Variants in SERF2 observed in about 807,000 individuals in gnomAD.
SERF2 encodes the protein small EDRK-rich factor 2, also known as gastric cancer-related protein VRG107.
In SERF2, 4 loss-of-function variants were observed where a neutral mutation model predicts 10.7. The observed-to-expected ratio is 0.37, with a 90% CI of 0.18 to 0.86. The LOEUF (loss-of-function observed/expected upper bound fraction) is 0.86. Among genes scored for constraint, SERF2 ranks in the 40% least tolerant of loss-of-function variants. SERF2 has a pLI of 0.43. For synonymous variants in SERF2, 26 were observed against 26.0 expected, an observed-to-expected ratio of 1.00 and a Z score of 0.01; for missense variants, 47 against 79.1, an observed-to-expected ratio of 0.59 and a Z score of 1.54.
chr15:43,779,657 A>AT (rs1195031209), intron 1 of SERF2, among the ~76,000 whole-genome samples: 2 of 151,616 alleles, frequency 1.3e-5, no homozygotes, highest in Non-Finnish European at 2.9e-5. Flanking sequence ...ATACCTAGCA[A>AT]TTTTTTAAAT....
rs1306909811 is a variant in SERF2, at chr15:43,781,884, A to T, written c.-526-3526A>T. 4.5e-5 allele frequency among the ~76,000 whole-genome samples: 4 copies of T among 89,554 alleles called. No individual in the cohort carries two copies. The Admixed American group carries it at 6.1e-4, about 14-fold the overall frequency. 58.8% of individuals were successfully genotyped at this position (89,554 alleles called of 152,430 possible). A position where few individuals can be genotyped will look rare whatever the true frequency, so the allele number is the denominator to read the frequency against. ...GGTGTGAGCCACCGCACCTGGTCCT[A>T]CTTCTTCTTCTTTTTTTTTTTTTGA... On this transcript the variant is annotated intron_variant, in intron 1 of 4. Transcript: ENST00000381359.
At chr15:43,778,805 G>A (rs1227244029) in intron 1 of SERF2, among the ~76,000 whole-genome samples, 2 of 151,932 alleles carry the variant, frequency 1.3e-5, no homozygotes, top group African/African-American at 4.8e-5. Context: ...GGGAGGCTGA[G>A]GCAGGAGAAT....
chr15:43,785,406 T>G (rs77790037), intron 1 of SERF2: 10 of 151,950 alleles, frequency 6.6e-5, no homozygotes, highest in African/African-American at 2.2e-4. Flanking sequence ...TTCCTTTTTT[T>G]TAGAGACATA....
At chr15:43,777,383 C>T (rs2086928842) in exon 1 of SERF2, 10 of 307,892 alleles carry the variant, frequency 3.2e-5, no homozygotes, top group South Asian at 2.6e-4. Context: ...CCCAGTTAGC[C>T]CCGAGCTTCG....
At chr15:43,784,266 T>C (rs1260503721) in intron 1 of SERF2, among the ~76,000 whole-genome samples, 1 of 152,132 alleles carries the variant, frequency 6.6e-6, no homozygotes, top group Non-Finnish European at 1.5e-5. Flanking sequence ...TGTCTTCTCG[T>C]TTCCAGTGTT....
chr15:43,787,059 C>T (rs1053900858), intron 2 of SERF2, among the ~76,000 whole-genome samples: 12 of 144,976 alleles, frequency 8.3e-5, no homozygotes, highest in Non-Finnish European at 6.0e-5. Flanking sequence ...AGTGCAGTGG[C>T]GCTCCACTCG....
At position 43,795,146 on chromosome 15, in the gene SERF2, C is replaced by T. The variant is rs1361111032; in HGVS notation, c.*1373C>T. ...AGGAGTACGCAGGCCCAGCATGAGG[C>T]AACCTTGACCCAGAAGGTGGCCCAG... On this transcript the variant is annotated 3_prime_UTR_variant, in exon 3 of 3. Transcript: ENST00000249786. 1 of 1,614,008 alleles carries T rather than the reference C, an allele frequency of 6.2e-7. No homozygotes were observed. Among genetic ancestry groups the T allele is most frequent in the African/African-American group, 1.3e-5 (1 of 74,886 alleles).
chr15:43,794,543 C>T lies in SERF2; in HGVS notation c.*770C>T. On this transcript the variant is annotated 3_prime_UTR_variant, in exon 3 of 3. Coordinates refer to ENST00000249786, the MANE Select transcript of SERF2 (RefSeq NM_001018108.4). ...AATCAGGATTAAAACCTGGGGTAGC[C>T]TCTGTGCTCCTTTCTTCTATGCCCT... The T allele has an allele frequency of 6.1e-6, 1 of 163,184 alleles. No homozygotes were observed. Among genetic ancestry groups the T allele is most frequent in the Middle Eastern group, 5.6e-4 (1 of 1,798 alleles). The allele number at this position is 163,184 out of a possible 1,614,324, so 10.1% of individuals were successfully genotyped here.
At chr15:43,792,555 T>G in intron 1 of SERF2, 172 bp downstream of exon 1, 1 of 1,489,962 alleles carries the variant, frequency 6.7e-7, no homozygotes, top group Non-Finnish European at 8.9e-7. Context: ...TGCCCACGGC[T>G]ACTTCACGGG....
rs150870247 is a variant in SERF2 at position 43,778,953 on chromosome 15, T to C, written c.-527+1451T>C. On this transcript the variant is annotated intron_variant, in intron 1 of 4. Coordinates refer to the SERF2 transcript ENST00000381359. ...GGGGACAGAGAAATGGGAGTCATGG[T>C]GGAGGAAATAGGATCAAGAAAAAGT... is the stretch of plus-strand genomic sequence containing the variant. Among the ~76,000 whole-genome samples, 39 of 152,114 alleles carry C rather than the reference T, an allele frequency of 2.6e-4. No individual in the cohort carries two copies. In the East Asian group the frequency reaches 5.8e-3, roughly 23 times the overall value.
Position 43,794,795 on chromosome 15 carries a change from A to C in SERF2, c.*1022A>C, listed in dbSNP as rs572392894. The C allele has an allele frequency of 5.9e-5, 32 of 542,852 alleles. No individual in the cohort carries two copies. The highest frequency in any genetic ancestry group is 1.0e-4 in the Non-Finnish European group (32 of 304,946). The allele number at this position is 542,852 out of a possible 1,614,324, so 33.6% of individuals were successfully genotyped here. A position where few individuals can be genotyped will look rare whatever the true frequency, so the allele number is the denominator to read the frequency against. On this transcript the variant is annotated 3_prime_UTR_variant, in exon 3 of 3. Coordinates refer to ENST00000249786, the MANE Select transcript of SERF2 (RefSeq NM_001018108.4). Reference sequence around the variant, plus strand: ...GTTAGGCTCTTGAGCTGGGATGCAGATGTAACAGTAGCTCCAGTGAGTCAG... The same window carrying C: ...GTTAGGCTCTTGAGCTGGGATGCAGCTGTAACAGTAGCTCCAGTGAGTCAG...
upstream of SERF2, among the ~76,000 whole-genome samples, chr15:43,790,348 A>G (rs1441119323): frequency 6.6e-6 from 1 of 152,110 alleles, no homozygotes; most frequent in Non-Finnish European, 1.5e-5. Flanking sequence ...ACAGACATAT[A>G]AATACATATA....
intron 2 of SERF2, among the ~76,000 whole-genome samples, chr15:43,787,015 T>G (rs1348159586): frequency 1.3e-5 from 2 of 151,294 alleles, no homozygotes; most frequent in East Asian, 3.9e-4. Context: ...TTTTTTTTTT[T>G]TTGAGATGGA....
chr15:43,788,423 G>C (rs2087025539), upstream of SERF2, among the ~76,000 whole-genome samples: 2 of 152,220 alleles, frequency 1.3e-5, no homozygotes, highest in Admixed American at 1.3e-4. Context: ...ACTGTGCCCA[G>C]CCTTCAACCA....
upstream of SERF2, among the ~76,000 whole-genome samples, chr15:43,788,849 A>G (rs1035489916): frequency 1.3e-5 from 2 of 152,100 alleles, no homozygotes; most frequent in Non-Finnish European, 2.9e-5. Flanking sequence ...GTAAGGCTCA[A>G]ATAAGAAAAG....
At chr15:43,778,298 A>G (rs1012370766) in intron 1 of SERF2, among the ~76,000 whole-genome samples, 4 of 152,036 alleles carry the variant, frequency 2.6e-5, no homozygotes, top group Non-Finnish European at 4.4e-5. Context: ...TTATACTTCA[A>G]TAAAGTTGAT....
At position 43,795,856 on chromosome 15, in the gene SERF2, A is replaced by T. The variant is rs188997599; in HGVS notation, c.*2083A>T. On this transcript the variant is annotated 3_prime_UTR_variant, in exon 3 of 3. Transcript: ENST00000249786. The stretch of plus-strand genomic sequence containing the variant: ...AAAAGTGGAGGCACACCTGGGTTCA[A>T]ATTCTAGCTCCAGCATATAAGTGGC... 9.2e-6 allele frequency: 9 copies of T among 980,876 alleles called. No homozygotes were observed. The highest frequency in any genetic ancestry group is 2.1e-4 in the Middle Eastern group (1 of 4,702). The allele number at this position is 980,876 out of a possible 1,614,324, so 60.8% of individuals were successfully genotyped here.
In SERF2 at chr15:43,795,675, A is replaced by T; in HGVS notation, c.*1902A>T. ...GATCTACCACTTCTTATGGTTCCTC[A>T]CTTGGCACTCACCTTTGTCTGCCTC... On this transcript the variant is annotated 3_prime_UTR_variant, in exon 3 of 3. Transcript: ENST00000249786. The T allele has an allele frequency of 6.2e-7, 1 of 1,613,790 alleles. No homozygotes were observed. The highest frequency in any genetic ancestry group is 8.5e-7 in the Non-Finnish European group (1 of 1,179,776).
rs1018226861 is a variant in SERF2 at position 43,794,140 on chromosome 15, G to C, written c.*367G>C. ...AAAAAGGGAGAACTCTTTAGATTCAGATTGTGGGTATGTAGACTTAATAAG... is the reference window on the plus strand; with the variant it reads ...AAAAAGGGAGAACTCTTTAGATTCACATTGTGGGTATGTAGACTTAATAAG... On this transcript the variant is annotated 3_prime_UTR_variant, in exon 3 of 3. Transcript: ENST00000249786. 4 of 638,038 alleles carry C rather than the reference G, an allele frequency of 6.3e-6. No homozygotes were observed. The East Asian group carries it at 1.1e-4, about 18-fold the overall frequency. The allele number at this position is 638,038 out of a possible 1,614,324, so 39.5% of individuals were successfully genotyped here. A position where few individuals can be genotyped will look rare whatever the true frequency, so the allele number is the denominator to read the frequency against.
Sources: gnomAD v4.1 joint callset for allele counts (sites outside exome capture counted in the v4.1 genomes callset) on GRCh38, gnomAD v4.1.1 for gene constraint, MANE v1.5 for transcripts, NCBI Gene and HGNC (gene_info 2026-07-23, HGNC 2026-07-21) for gene names.